MRPL39: variants seen among roughly 807,000 people sequenced by gnomAD.
MRPL39 encodes mitochondrial ribosomal protein L39, also known as large ribosomal subunit protein mL39.
Under a neutral mutation model 44.5 loss-of-function variants are expected in MRPL39, and 35 were observed. The observed-to-expected ratio is 0.79, with a 90% confidence interval of 0.60 to 1.04. The LOEUF is 1.04. MRPL39 is among the 50% of genes least tolerant of loss of function. The pLI is 0.00. For missense variants in MRPL39, 433 were observed against 413.5 expected, an observed-to-expected ratio of 1.05 and a Z score of -0.41; for synonymous variants, 139 against 136.1, an observed-to-expected ratio of 1.02 and a Z score of -0.15.
In MRPL39 at chr21:25,588,843, G is replaced by A. The variant is rs761850143; in HGVS notation, c.961C>T (p.Arg321Trp). 5.6e-6 allele frequency: 9 copies of A among 1,612,360 alleles called. No individual in the cohort carries two copies. Among genetic ancestry groups the A allele is most frequent in the East Asian group, 2.2e-5 (1 of 44,764 alleles). The change falls in exon 9 of 10, where the codon CGG becomes TGG. Residue 321 changes from arginine to tryptophan, a missense_variant. Arg to Trp is a moderately radical substitution (Grantham distance 101). Coordinates refer to ENST00000352957, the MANE Select transcript of MRPL39 (RefSeq NM_017446.4). ...CTGTCAAAAACACTTACCATTTTCC[G>A]AGATCTTTCCAATAGCTTATCCCAT... is the stretch of plus-strand genomic sequence containing the variant. ...TIWDKLLERS[R>W]KMVTEDQSKA...
At chr21:25,604,567 A>T (rs762645640) in intron 2 of MRPL39, among the ~76,000 whole-genome samples, 17 of 152,212 alleles carry the variant, frequency 1.1e-4, no homozygotes, top group Admixed American at 3.9e-4. Flanking sequence ...AGATGCTTCA[A>T]GTTAAATACA....
At chr21:25,599,734 T>G in intron 5 of MRPL39, 65 bp downstream of exon 5, 1 of 1,313,256 alleles carries the variant, frequency 7.6e-7, no homozygotes, top group South Asian at 1.2e-5. Context: ...AATACTAACA[T>G]AGGAATCATT....
upstream of MRPL39, chr21:25,607,603 G>C (rs971667643): frequency 1.1e-5 from 10 of 904,224 alleles, no homozygotes; most frequent in African/African-American, 3.4e-5. Flanking sequence ...GCCTCCACCG[G>C]GGGGCGTCAG....
intron 9 of MRPL39, among the ~76,000 whole-genome samples, chr21:25,588,384 C>T (rs2031070969): frequency 6.6e-6 from 1 of 152,190 alleles, no homozygotes; most frequent in East Asian, 1.9e-4. Flanking sequence ...GAATAAACTA[C>T]AAAAACACAA....
rs1447746489 is a variant in MRPL39, at chr21:25,593,923, T to G, written c.737A>C (p.Gln246Pro). ...TAGCTTGACTATTCTCTCAGGGTTC[T>G]GAGATGCCTTCTCTTCTATGAAATC... ...KVDFIEEKAS[Q>P]NPERIVKLHR... The change falls in exon 7 of 10, where the codon CAG (glutamine) becomes CCG (proline). Residue 246 changes from glutamine to proline, a missense_variant. Gln to Pro is a moderately conservative substitution (Grantham distance 76). Coordinates refer to ENST00000352957, the MANE Select transcript of MRPL39 (RefSeq NM_017446.4). 1.2e-6 allele frequency: 2 copies of G among 1,613,640 alleles called. No individual in the cohort carries two copies. Among genetic ancestry groups the G allele is most frequent in the African/African-American group, 2.7e-5 (2 of 74,948 alleles).
intron 6 of MRPL39, 131 bp downstream of exon 6, chr21:25,597,171 A>G (rs2031384956): frequency 1.7e-6 from 1 of 604,466 alleles, no homozygotes; most frequent in Admixed American, 3.6e-5. Flanking sequence ...ATGAGATCAC[A>G]GAGGTCTCAG....
In MRPL39 at chr21:25,592,883, G is replaced by C; in HGVS notation, c.850C>G (p.His284Asp). ...CTTGGCTGGGTGGGTTGAAGATTGT[G>C]AACTGCTGATACTTCATACTGGAAA... Reference protein sequence around the residue: ...ICFQYEVSAVHNLQPTQPSLI... With the variant: ...ICFQYEVSAVDNLQPTQPSLI... Residue 284 changes from histidine (H) to aspartate (D), a missense_variant, in exon 8 of 10, where the codon CAC becomes GAC. Physicochemically the swap from His to Asp is moderately conservative, Grantham distance 81. Coordinates refer to ENST00000352957, the MANE Select transcript of MRPL39 (RefSeq NM_017446.4). The C allele has an allele frequency of 6.2e-7, 1 of 1,612,966 alleles. No individual in the cohort carries two copies. Among genetic ancestry groups the C allele is most frequent in the Non-Finnish European group, 8.5e-7 (1 of 1,178,940 alleles).
chr21:25,598,237 C>T (rs1365098106), intron 5 of MRPL39, among the ~76,000 whole-genome samples: 2 of 106,052 alleles, frequency 1.9e-5, no homozygotes, highest in East Asian at 4.8e-4. Flanking sequence ...AAGCTGTCTA[C>T]TCAACCCAAC....
intron 6 of MRPL39, among the ~76,000 whole-genome samples, chr21:25,596,879 G>A (rs923092826): frequency 1.3e-5 from 2 of 152,136 alleles, no homozygotes; most frequent in African/African-American, 4.8e-5. Context: ...TTAAGACCTG[G>A]CTGTGTAAAC....
chr21:25,595,649 T>A (rs948688465), intron 6 of MRPL39, among the ~76,000 whole-genome samples: 5 of 152,212 alleles, frequency 3.3e-5, no homozygotes, highest in African/African-American at 1.2e-4. Flanking sequence ...TTCTGAAGAT[T>A]TAGTGAAAAA....
chr21:25,601,340 CA>C, intron 4 of MRPL39, 27 bp downstream of exon 4: 1 of 1,234,360 alleles, frequency 8.1e-7, no homozygotes, highest in South Asian at 1.4e-5. Context: ...ATTTAAGGAT[CA>C]CAAAAAGACA....
chr21:25,589,301 C>A (rs890040783), intron 8 of MRPL39, among the ~76,000 whole-genome samples: 3 of 152,098 alleles, frequency 2.0e-5, no homozygotes, highest in Admixed American at 6.5e-5. Flanking sequence ...AAATCATAAG[C>A]AATCACAAGA....
chr21:25,595,505 CAGTT>C (rs1230282433), intron 6 of MRPL39, among the ~76,000 whole-genome samples: 3 of 152,166 alleles, frequency 2.0e-5, no homozygotes, highest in Non-Finnish European at 4.4e-5. Context: ...CAGTCCTTGA[CAGTT>C]AGAGGAATGG....
intron 9 of MRPL39, among the ~76,000 whole-genome samples, chr21:25,587,955 C>G (rs1485576689): frequency 1.3e-5 from 2 of 152,078 alleles, no homozygotes; most frequent in African/African-American, 2.4e-5. Flanking sequence ...TATCAGATAA[C>G]CTAAGTAAAA....
At chr21:25,598,172 A>T (rs368043599) in intron 5 of MRPL39, among the ~76,000 whole-genome samples, 3 of 152,212 alleles carry the variant, frequency 2.0e-5, no homozygotes, top group Admixed American at 2.0e-4. Context: ...AAAAAAATCA[A>T]CATTCATGGT....
At chr21:25,607,319 C>T in intron 1 of MRPL39, 84 bp downstream of exon 1, 12 of 1,508,090 alleles carry the variant, frequency 8.0e-6, no homozygotes, top group Non-Finnish European at 1.1e-5. Context: ...CCCGCGGGAC[C>T]TCCCCGGCCC....
intron 4 of MRPL39, among the ~76,000 whole-genome samples, chr21:25,600,247 T>G (rs1350509373): frequency 4.6e-5 from 7 of 151,868 alleles, no homozygotes; most frequent in Middle Eastern, 3.2e-3. Flanking sequence ...AATATAAAAA[T>G]TAGCCGGGCT....
chr21:25,604,556 T>TA (rs1172379252), intron 2 of MRPL39, among the ~76,000 whole-genome samples: 1 of 152,204 alleles, frequency 6.6e-6, no homozygotes, highest in Non-Finnish European at 1.5e-5. Context: ...TTCCATGACA[T>TA]AGATGCTTCA....
At chr21:25,603,761 G>A (rs768395646) in intron 3 of MRPL39, 35 bp downstream of exon 3, 2 of 1,571,316 alleles carry the variant, frequency 1.3e-6, no homozygotes, top group South Asian at 2.3e-5. Context: ...TGAAGATACT[G>A]GGGAAATAGA....
Sources: allele counts gnomAD v4.1 joint callset (sites outside exome capture counted in the v4.1 genomes callset), GRCh38; gene constraint gnomAD v4.1.1; transcripts MANE v1.5; gene names NCBI Gene and HGNC (gene_info 2026-07-23, HGNC 2026-07-21).